MDGA2: variants seen among roughly 807,000 people sequenced by gnomAD.
MDGA2 encodes the protein MAM domain-containing glycosylphosphatidylinositol anchor protein 2.
Under a neutral mutation model 117.8 loss-of-function variants are expected in MDGA2, and 40 were observed. The observed-to-expected ratio is 0.34, with a 90% CI of 0.26 to 0.44. MDGA2 has a LOEUF of 0.44. Ranked by LOEUF, MDGA2 falls within the 20% of genes least tolerant of loss-of-function variation. MDGA2 has a pLI of 1.00. For synonymous variants in MDGA2, 452 were observed against 439.0 expected (o/e 1.03, Z -0.37); for missense variants, 1,123 against 1,250.6 (o/e 0.90, Z 1.54).
chr14:47,382,452 C>A (rs1227616220), intron 1 of MDGA2, among the ~76,000 whole-genome samples: 1 of 152,022 alleles, frequency 6.6e-6, no homozygotes, highest in Non-Finnish European at 1.5e-5. Flanking sequence ...TACAATCTAC[C>A]CATCTGACAA....
At position 47,323,953 on chromosome 14, in the gene MDGA2, A is replaced by T. The variant is rs7151533; in HGVS notation, c.281-22403T>A. ...ACTCTATACAAAATGGTGTATTAAG[A>T]TCTCTGAGTGGGCCAGGCGTGGTGG... On this transcript the variant is annotated intron_variant, in intron 1 of 16. Transcript: ENST00000399232. Among the ~76,000 whole-genome samples the T allele has an allele frequency of 7.6e-3, 1,161 of 152,030 alleles. 12 individuals are homozygous for T. The highest frequency in any genetic ancestry group is 0.027 in the African/African-American group (1,108 of 41,506).
At chr14:47,149,046 T>C (rs771588653) in intron 3 of MDGA2, among the ~76,000 whole-genome samples, 15 of 152,146 alleles carry the variant, frequency 9.9e-5, no homozygotes, top group Admixed American at 7.9e-4. Flanking sequence ...TCCCAGCAGT[T>C]TGGGAGACCA....
intron 6 of MDGA2, among the ~76,000 whole-genome samples, chr14:47,064,117 C>T (rs558967354): frequency 6.6e-6 from 1 of 151,970 alleles, no homozygotes; most frequent in African/African-American, 2.4e-5. Context: ...AACCCATAAT[C>T]AATTAATACA....
In MDGA2 at chr14:47,413,670, GTT is replaced by G. The variant is rs11422937; in HGVS notation, c.281-112122_281-112121del. On this transcript the variant is annotated intron_variant, in intron 1 of 16. Coordinates refer to ENST00000399232, the MANE Select transcript of MDGA2 (RefSeq NM_001113498.3). ...TATTTATTATAAGTAATAGTTTTTG[GTT>G]TTTTTTTTTTTACTTTGAGAAAACA... Among the ~76,000 whole-genome samples, 25 of 144,952 alleles carry G rather than the reference GTT, an allele frequency of 1.7e-4. No homozygotes were observed. The East Asian group carries it at 3.8e-3, about 22-fold the overall frequency.
intron 1 of MDGA2, among the ~76,000 whole-genome samples, chr14:47,637,749 T>C (rs1048360883): frequency 2.0e-5 from 3 of 152,238 alleles, no homozygotes; most frequent in East Asian, 1.9e-4. Flanking sequence ...AGTTTTTAGA[T>C]AGTGTCAAGT....
chr14:47,029,470 G>T (rs1033012232), intron 8 of MDGA2, among the ~76,000 whole-genome samples: 1 of 152,082 alleles, frequency 6.6e-6, no homozygotes, highest in Non-Finnish European at 1.5e-5. Flanking sequence ...TCTGTCTTTG[G>T]TTTTTAGTAT....
chr14:46,930,854 T>C (rs1279738157), intron 9 of MDGA2, among the ~76,000 whole-genome samples: 1 of 152,156 alleles, frequency 6.6e-6, no homozygotes, highest in Admixed American at 6.6e-5. Flanking sequence ...CTCTTCTTCA[T>C]ATATTGTCCC....
intron 1 of MDGA2, among the ~76,000 whole-genome samples, chr14:47,661,980 G>A (rs549610511): frequency 5.3e-5 from 8 of 152,062 alleles, no homozygotes; most frequent in Middle Eastern, 3.4e-3. Context: ...CAGGTGATCC[G>A]CCTGCCTCGG....
intron 8 of MDGA2, among the ~76,000 whole-genome samples, chr14:47,033,309 T>C (rs554875024): frequency 7.9e-5 from 11 of 138,558 alleles, no homozygotes; most frequent in South Asian, 7.5e-4. Flanking sequence ...TAAAGCCATT[T>C]GGGTTCTGTA....
At chr14:46,966,336 A>G (rs923153046) in intron 8 of MDGA2, among the ~76,000 whole-genome samples, 1 of 152,196 alleles carries the variant, frequency 6.6e-6, no homozygotes, top group Non-Finnish European at 1.5e-5. Context: ...AATTGCAGAT[A>G]CTACCAGTGG....
At chr14:47,077,964 C>T (rs1195451419) in intron 6 of MDGA2, among the ~76,000 whole-genome samples, 2 of 151,844 alleles carry the variant, frequency 1.3e-5, no homozygotes, top group African/African-American at 4.8e-5. Flanking sequence ...TTTTGGGGGA[C>T]TATTTATTTA....
intron 1 of MDGA2, among the ~76,000 whole-genome samples, chr14:47,486,299 TG>T (rs1205432473): frequency 3.9e-5 from 6 of 152,238 alleles, no homozygotes; most frequent in Non-Finnish European, 7.3e-5. Context: ...GCATGGGGCC[TG>T]TAGCTCCTTT....
chr14:47,086,495 T>C (rs974939460), intron 6 of MDGA2, among the ~76,000 whole-genome samples: 2 of 152,104 alleles, frequency 1.3e-5, no homozygotes, highest in African/African-American at 4.8e-5. Flanking sequence ...TAAAACCACA[T>C]GCAATTCAAA....
At chr14:46,879,507 G>A (rs1882363214) in intron 11 of MDGA2, among the ~76,000 whole-genome samples, 1 of 151,766 alleles carries the variant, frequency 6.6e-6, no homozygotes, top group African/African-American at 2.4e-5. Flanking sequence ...GTATGCCTAA[G>A]TATGTAAAAA....
intron 2 of MDGA2, among the ~76,000 whole-genome samples, chr14:47,218,992 T>C (rs1886201996): frequency 6.6e-6 from 1 of 152,112 alleles, no homozygotes; most frequent in African/African-American, 2.4e-5. Flanking sequence ...TGTATTTTAG[T>C]GTATAAAACC....
At chr14:47,465,614 T>G (rs765095182) in intron 1 of MDGA2, among the ~76,000 whole-genome samples, 10 of 152,062 alleles carry the variant, frequency 6.6e-5, no homozygotes, top group Admixed American at 1.3e-4. Context: ...GAAATACAAA[T>G]CAAAACCACA....
At chr14:47,603,604 T>C (rs1323735472) in intron 1 of MDGA2, among the ~76,000 whole-genome samples, 1 of 152,128 alleles carries the variant, frequency 6.6e-6, no homozygotes, top group Non-Finnish European at 1.5e-5. Flanking sequence ...TTCCCCCACT[T>C]ATCCCTCATA....
intron 6 of MDGA2, among the ~76,000 whole-genome samples, chr14:47,079,727 AT>A (rs35801678): frequency 4.2e-4 from 34 of 80,068 alleles, no homozygotes; most frequent in Admixed American, 1.2e-3. Context: ...TTTTCTACTA[AT>A]TTTTTTTTTT....
intron 1 of MDGA2, among the ~76,000 whole-genome samples, chr14:47,511,418 AT>A (rs1566492291): frequency 6.6e-6 from 1 of 152,008 alleles, no homozygotes; most frequent in Non-Finnish European, 1.5e-5. Flanking sequence ...AGGTTCTTGT[AT>A]TTACATACTG....
Sources: gnomAD v4.1 joint callset for allele counts (sites outside exome capture counted in the v4.1 genomes callset) on GRCh38, gnomAD v4.1.1 for gene constraint, MANE v1.5 for transcripts, NCBI Gene and HGNC (gene_info 2026-07-23, HGNC 2026-07-21) for gene names.